The following RGL1 variants were observed in gnomAD, a reference collection of about 807,000 sequenced individuals.
RGL1 encodes the protein ral guanine nucleotide dissociation stimulator-like 1.
In RGL1, 24 loss-of-function variants were observed where a neutral mutation model predicts 95.2. That is an observed-to-expected ratio of 0.25 (90% CI 0.18 to 0.35). The LOEUF is 0.35. Ranked by LOEUF, RGL1 falls within the 10% of genes least tolerant of loss-of-function variation. The probability of loss-of-function intolerance (pLI) is 1.00; values close to 1 mark genes in which losing one functional copy is unlikely to be tolerated. For synonymous variants in RGL1, 329 were observed against 344.9 expected (o/e 0.95, Z 0.51); for missense variants, 715 against 936.3 (o/e 0.76, Z 3.08).
intron 1 of RGL1, among the ~76,000 whole-genome samples, chr1:183,669,863 G>A (rs374406248): frequency 6.6e-6 from 1 of 150,560 alleles, no homozygotes; most frequent in South Asian, 2.1e-4. Flanking sequence ...GAAAAAGGGG[G>A]AAAAACCCCT....
chr1:183,913,042 A>T (rs900195708), intron 15 of RGL1, among the ~76,000 whole-genome samples: 2 of 152,192 alleles, frequency 1.3e-5, no homozygotes, highest in African/African-American at 4.8e-5. Flanking sequence ...ACAAGGATAC[A>T]TTCTCCCATG....
chr1:183,721,888 A>G (rs957441005), intron 1 of RGL1, among the ~76,000 whole-genome samples: 3 of 152,230 alleles, frequency 2.0e-5, no homozygotes, highest in Admixed American at 2.0e-4. Flanking sequence ...TTATGTGATC[A>G]TTTATGTAAT....
In RGL1 at chr1:183,926,411, T is replaced by C. The variant is rs1341920946; in HGVS notation, c.*119T>C. On this transcript the variant is annotated 3_prime_UTR_variant, in exon 18 of 18. Transcript: ENST00000360851. ...CATTGGTGAAGTCAGCAGATATTTA[T>C]TGAGTTCCTGTGGTGTGCAAAGCAT... 2.5e-6 allele frequency: 2 copies of C among 813,694 alleles called. No homozygotes were observed. Among genetic ancestry groups the C allele is most frequent in the Admixed American group, 3.1e-5 (1 of 32,116 alleles). The allele number at this position is 813,694 out of a possible 1,614,324, so 50.4% of individuals were successfully genotyped here.
At chr1:183,639,506 C>T (rs1484163105) in intron 1 of RGL1, among the ~76,000 whole-genome samples, 2 of 152,088 alleles carry the variant, frequency 1.3e-5, no homozygotes. Flanking sequence ...TGTCCATAGA[C>T]TATCTTATGA....
At chr1:183,796,000 CAAT>C (rs1398999368) in intron 2 of RGL1, among the ~76,000 whole-genome samples, 2 of 151,598 alleles carry the variant, frequency 1.3e-5, no homozygotes, top group African/African-American at 2.4e-5. Context: ...CAGATAATAA[CAAT>C]GATGATGATA....
At chr1:183,870,325 C>T (rs1175967113) in intron 4 of RGL1, among the ~76,000 whole-genome samples, 1 of 145,368 alleles carries the variant, frequency 6.9e-6, no homozygotes, top group Non-Finnish European at 1.5e-5. Context: ...GGGTAGTTGT[C>T]TTCCGGCCAG....
intron 1 of RGL1, chr1:183,648,494 T>G: frequency 2.5e-6 from 4 of 1,614,210 alleles, no homozygotes; most frequent in Non-Finnish European, 3.4e-6. Flanking sequence ...CAAAGAGCAT[T>G]GATTCTGGAT....
chr1:183,825,131 A>G (rs151031806), intron 2 of RGL1, among the ~76,000 whole-genome samples: 1 of 152,314 alleles, frequency 6.6e-6, no homozygotes, highest in Non-Finnish European at 1.5e-5. Context: ...TATCATTAGT[A>G]GAAACAGGGA....
At chr1:183,808,834 G>A (rs1406036302) in intron 2 of RGL1, among the ~76,000 whole-genome samples, 1 of 151,772 alleles carries the variant, frequency 6.6e-6, no homozygotes. Context: ...ACACAGCTAT[G>A]AAGTGGTAAA....
chr1:183,734,770 A>C (rs955311313), intron 1 of RGL1, among the ~76,000 whole-genome samples: 2 of 152,208 alleles, frequency 1.3e-5, no homozygotes, highest in Non-Finnish European at 2.9e-5. Flanking sequence ...TCGTAATAAA[A>C]ATATAGGCAA....
rs183328544 is a variant in RGL1, at chr1:183,660,567, A to C, written c.-33+24066A>C. 3.7e-3 allele frequency among the ~76,000 whole-genome samples: 555 copies of C among 151,714 alleles called. 3 individuals are homozygous for C. The highest frequency in any genetic ancestry group is 0.012 in the South Asian group (57 of 4,808). On this transcript the variant is annotated intron_variant, in intron 1 of 18. Coordinates refer to the RGL1 transcript ENST00000304685. Reference sequence around the variant, plus strand: ...ACCCAGATTCATAAAGCAAGTCCTGAGAGACCTACAAAGAGACTTAGACTC... The same window carrying C: ...ACCCAGATTCATAAAGCAAGTCCTGCGAGACCTACAAAGAGACTTAGACTC...
At chr1:183,754,160 C>T (rs1432735292) in intron 2 of RGL1, among the ~76,000 whole-genome samples, 1 of 152,074 alleles carries the variant, frequency 6.6e-6, no homozygotes, top group Non-Finnish European at 1.5e-5. Flanking sequence ...CCCCTCTCTA[C>T]CCCTCCTCAG....
At chr1:183,783,037 C>T (rs538410437) in intron 2 of RGL1, among the ~76,000 whole-genome samples, 63 of 152,142 alleles carry the variant, frequency 4.1e-4, no homozygotes, top group African/African-American at 1.2e-3. Flanking sequence ...AAAAGATAAC[C>T]GGGGGAGGGT....
At chr1:183,857,464 T>A (rs1665228912) in intron 3 of RGL1, among the ~76,000 whole-genome samples, 1 of 152,214 alleles carries the variant, frequency 6.6e-6, no homozygotes, top group African/African-American at 2.4e-5. Context: ...GGAATTCTTG[T>A]CAGGGAGATT....
At chr1:183,659,220 G>A (rs556618098) in intron 1 of RGL1, among the ~76,000 whole-genome samples, 23 of 152,354 alleles carry the variant, frequency 1.5e-4, no homozygotes, top group Admixed American at 5.2e-4. Flanking sequence ...TGACTTTGAC[G>A]AATTGAGAGA....
At chr1:183,831,907 A>C (rs991095350) in intron 2 of RGL1, among the ~76,000 whole-genome samples, 6 of 152,210 alleles carry the variant, frequency 3.9e-5, no homozygotes, top group Admixed American at 2.6e-4. Flanking sequence ...TAAAACTGTA[A>C]TAAATGTTTC....
chr1:183,688,036 G>T (rs1203451019), intron 1 of RGL1, among the ~76,000 whole-genome samples: 1 of 152,088 alleles, frequency 6.6e-6, no homozygotes, highest in Non-Finnish European at 1.5e-5. Context: ...TGGATGTCTT[G>T]CTTCTGAAAT....
chr1:183,873,583 C>T (rs905952388), intron 4 of RGL1, among the ~76,000 whole-genome samples: 1 of 152,138 alleles, frequency 6.6e-6, no homozygotes. Flanking sequence ...ATCTCGGATA[C>T]TCAAGATTTT....
At chr1:183,818,100 T>C (rs1050071517) in intron 2 of RGL1, among the ~76,000 whole-genome samples, 1 of 152,236 alleles carries the variant, frequency 6.6e-6, no homozygotes, top group Non-Finnish European at 1.5e-5. Context: ...TGTAAAACTT[T>C]AGATGACTGG....
Sources: gnomAD v4.1 joint callset for allele counts (sites outside exome capture counted in the v4.1 genomes callset) on GRCh38, gnomAD v4.1.1 for gene constraint, MANE v1.5 for transcripts, NCBI Gene and HGNC (gene_info 2026-07-23, HGNC 2026-07-21) for gene names.